The following DHRS4 variants were observed in gnomAD, a reference collection of about 807,000 sequenced individuals.
DHRS4 encodes dehydrogenase/reductase 4.
A neutral mutation model predicts 28.4 loss-of-function variants in DHRS4; 20 were observed. The observed-to-expected ratio is 0.71, with a 90% CI of 0.50 to 1.02. The LOEUF is 1.02. Among genes scored for constraint, DHRS4 ranks in the 50% least tolerant of loss-of-function variants. The pLI, the probability that DHRS4 is intolerant of heterozygous loss-of-function variation, is 0.00. For missense variants in DHRS4, 378 were observed against 367.2 expected (o/e 1.03, Z -0.24); for synonymous variants, 144 against 146.4 (o/e 0.98, Z 0.12).
chr14:23,960,521 T>C (rs2033375304), intron 3 of DHRS4, among the ~76,000 whole-genome samples: 1 of 152,090 alleles, frequency 6.6e-6, no homozygotes. Context: ...ATTATTTTCT[T>C]CTTAACTGCA....
At chr14:23,968,608 C>A (rs2033725344) in intron 7 of DHRS4, 149 bp from the exon 8 acceptor site, 26 of 1,233,362 alleles carry the variant, frequency 2.1e-5, no homozygotes, top group African/African-American at 3.0e-5. Flanking sequence ...CTCGTGGTAA[C>A]CCTATTTGAT....
chr14:23,963,877 TTG>T (rs2033509747), intron 3 of DHRS4, among the ~76,000 whole-genome samples: 2 of 150,190 alleles, frequency 1.3e-5, no homozygotes, highest in Admixed American at 1.3e-4. Flanking sequence ...TTACAAGCCA[TTG>T]TAGGGTTAAT....
chr14:23,953,874 C>G lies in DHRS4; in HGVS notation c.86C>G (p.Pro29Arg). ...AGCTCCGGGATGACCCGCCGGGACC[C>G]GCTCGCAAATAAGGTGGCCCTGGTA... ...MASSGMTRRD[P>R]LANKVALVTA... The change falls in exon 1 of 8, where the codon CCG (proline) becomes CGG (arginine). Residue 29 changes from proline (P) to arginine (R), a missense_variant. Coordinates refer to ENST00000313250, the MANE Select transcript of DHRS4 (RefSeq NM_021004.4). The G allele has an allele frequency of 6.2e-7, 1 of 1,611,972 alleles. No individual in the cohort carries two copies. The highest frequency in any genetic ancestry group is 1.1e-5 in the South Asian group (1 of 90,834).
rs750049642 is a variant in DHRS4, at chr14:23,958,759, C to T, written c.307-1143C>T. Among the ~76,000 whole-genome samples the T allele has an allele frequency of 5.9e-5, 9 of 152,190 alleles. 1 individual carries two copies. Among genetic ancestry groups the T allele is most frequent in the Non-Finnish European group, 7.3e-5 (5 of 68,046 alleles). On this transcript the variant is annotated intron_variant, in intron 2 of 7. Transcript: ENST00000313250. Reference sequence around the variant, plus strand: ...CTTTCAGAGGGCTCTTATGAATTAGCTCTGTGCTACAAAGTGGGAGACTGA... The same window carrying T: ...CTTTCAGAGGGCTCTTATGAATTAGTTCTGTGCTACAAAGTGGGAGACTGA...
chr14:23,954,989 T>C (rs1363495959), intron 1 of DHRS4, 46 bp from the exon 2 acceptor site: 3 of 1,608,132 alleles, frequency 1.9e-6, no homozygotes, highest in African/African-American at 2.7e-5. Context: ...TGTCGACCTC[T>C]TCCCCTGCAC....
intron 2 of DHRS4, among the ~76,000 whole-genome samples, chr14:23,956,246 G>C (rs1294285154): frequency 6.6e-6 from 1 of 152,222 alleles, no homozygotes; most frequent in East Asian, 1.9e-4. Flanking sequence ...GATCCTGATG[G>C]TGGAAGGAGC....
chr14:23,957,766 G>T (rs2033235367), intron 2 of DHRS4, among the ~76,000 whole-genome samples: 1 of 148,810 alleles, frequency 6.7e-6, no homozygotes, highest in African/African-American at 2.5e-5. Flanking sequence ...TTCCCAGGCT[G>T]TTTTGAACTC....
Position 23,955,045 on chromosome 14 carries a change from G to T in DHRS4, c.139G>T (p.Ala47Ser), listed in dbSNP as rs2033053266. 1.2e-6 allele frequency: 2 copies of T among 1,614,018 alleles called. No homozygotes were observed. Among genetic ancestry groups the T allele is most frequent in the Admixed American group, 3.3e-5 (2 of 60,000 alleles). ...VTASTDGIGFAIARRLAQDGA... is the reference protein window; with the variant it reads ...VTASTDGIGFSIARRLAQDGA... ...TCTTTCTGCTCACAGGATCGGCTTC[G>T]CCATCGCCCGGCGTTTGGCCCAGGA... Residue 47 changes from alanine to serine, a missense_variant, in exon 2 of 8, where the codon GCC (alanine) becomes TCC (serine). Transcript: ENST00000313250.
At chr14:23,958,369 C>G (rs939213804) in intron 2 of DHRS4, among the ~76,000 whole-genome samples, 1 of 152,168 alleles carries the variant, frequency 6.6e-6, no homozygotes, top group African/African-American at 2.4e-5. Context: ...TGACCGAGGG[C>G]CCGTGTACTG....
intron 6 of DHRS4, among the ~76,000 whole-genome samples, chr14:23,966,693 G>A (rs1258000954): frequency 6.6e-6 from 1 of 152,130 alleles, no homozygotes; most frequent in Non-Finnish European, 1.5e-5. Flanking sequence ...GCAGCAAAAT[G>A]CATCACTAGA....
chr14:23,959,195 C>T (rs1258397035), intron 2 of DHRS4, among the ~76,000 whole-genome samples: 8 of 152,084 alleles, frequency 5.3e-5, no homozygotes, highest in East Asian at 1.9e-4. Flanking sequence ...GAAGGAGCTT[C>T]CCAAAGGGGA....
At chr14:23,954,144 C>A in intron 1 of DHRS4, 1 of 640,342 alleles carries the variant, frequency 1.6e-6, no homozygotes, top group Non-Finnish European at 2.6e-6. Context: ...AACTGTGCCA[C>A]CTCTGTGCAG....
intron 3 of DHRS4, among the ~76,000 whole-genome samples, chr14:23,961,462 C>T (rs894342431): frequency 7.8e-6 from 1 of 128,496 alleles, no homozygotes; most frequent in Non-Finnish European, 1.5e-5. Context: ...CAGAGATTTG[C>T]TGCTAACCAT....
At chr14:23,959,270 A>G (rs925482897) in intron 2 of DHRS4, among the ~76,000 whole-genome samples, 3 of 152,196 alleles carry the variant, frequency 2.0e-5, no homozygotes, top group Non-Finnish European at 4.4e-5. Context: ...AAACACTGCA[A>G]AAGAAATAGG....
intron 2 of DHRS4, among the ~76,000 whole-genome samples, chr14:23,956,257 C>T (rs552084642): frequency 2.0e-5 from 3 of 152,282 alleles, no homozygotes; most frequent in African/African-American, 4.8e-5. Flanking sequence ...TGGAAGGAGC[C>T]GTTTGGGAGT....
chr14:23,959,945 C>T lies in DHRS4; in HGVS notation c.350C>T (p.Ala117Val). 5 of 1,611,386 alleles carry T rather than the reference C, an allele frequency of 3.1e-6. No homozygotes were observed. Among genetic ancestry groups the T allele is most frequent in the Non-Finnish European group, 3.4e-6 (4 of 1,179,908 alleles). Reference sequence around the variant, plus strand: ...GGTATCGATATCCTAGTCTCCAATGCTGCTGTCAACCCTTTCTTTGGAAGC... The same window carrying T: ...GGTATCGATATCCTAGTCTCCAATGTTGCTGTCAACCCTTTCTTTGGAAGC... ...HGGIDILVSN[A>V]AVNPFFGSIM... The change falls in exon 3 of 8, where the codon GCT becomes GTT. Residue 117 changes from alanine (A) to valine (V), a missense_variant. Physicochemically the swap from Ala to Val is moderately conservative, Grantham distance 64. Transcript: ENST00000313250.
chr14:23,961,529 C>CTT (rs546435038), intron 3 of DHRS4, among the ~76,000 whole-genome samples: 3,939 of 90,430 alleles, frequency 0.044, 27 homozygotes, highest in African/African-American at 0.14. Flanking sequence ...GTCTTTTTTC[C>CTT]TTTTTTTTTT....
At chr14:23,954,344 C>T (rs1331197066) in intron 1 of DHRS4, 3 of 180,100 alleles carry the variant, frequency 1.7e-5, no homozygotes, top group African/African-American at 4.7e-5. Context: ...GAACCCCTCC[C>T]CCTTACCTAG....
At chr14:23,954,842 A>G (rs968503975) in intron 1 of DHRS4, among the ~76,000 whole-genome samples, 193 bp from the exon 2 acceptor site, 2 of 152,264 alleles carry the variant, frequency 1.3e-5, no homozygotes, top group Non-Finnish European at 2.9e-5. Flanking sequence ...GGTCCAGGTC[A>G]TAATAAAAAC....
Sources: allele counts gnomAD v4.1 joint callset (sites outside exome capture counted in the v4.1 genomes callset), GRCh38; gene constraint gnomAD v4.1.1; transcripts MANE v1.5; gene names NCBI Gene and HGNC (gene_info 2026-07-23, HGNC 2026-07-21).